SLCO1A2: variants seen among roughly 807,000 people sequenced by gnomAD.
SLCO1A2 encodes solute carrier organic anion transporter family member 1A2, also known as OATP-1.
In SLCO1A2, 67 loss-of-function variants were observed where a neutral mutation model predicts 69.0. The ratio of observed to expected loss-of-function variants is 0.97; its 90% CI spans 0.80 to 1.19. SLCO1A2 has a LOEUF of 1.19. Among genes scored for constraint, SLCO1A2 ranks in the 50% most tolerant of loss-of-function variants. The probability of loss-of-function intolerance (pLI) is 0.00; values close to 1 mark genes in which losing one functional copy is unlikely to be tolerated. For missense variants in SLCO1A2, 787 were observed against 793.7 expected, an observed-to-expected ratio of 0.99 and a Z score of 0.10; for synonymous variants, 260 against 265.9, an observed-to-expected ratio of 0.98 and a Z score of 0.22.
At chr12:21,314,943 G>A (rs965391907) in intron 3 of SLCO1A2, among the ~76,000 whole-genome samples, 5 of 152,242 alleles carry the variant, frequency 3.3e-5, no homozygotes, top group South Asian at 2.1e-4. Flanking sequence ...AAGAGAAGCC[G>A]GTGAAAGGGA....
chr12:21,320,440 G>C (rs150486820), intron 2 of SLCO1A2, among the ~76,000 whole-genome samples: 1 of 151,846 alleles, frequency 6.6e-6, no homozygotes, highest in Non-Finnish European at 1.5e-5. Context: ...TCCCATTTTC[G>C]AGATTCTAAT....
chr12:21,290,008 AGTGTGTGTGTGTGTATGTATGC>A (rs1565474307), intron 12 of SLCO1A2, among the ~76,000 whole-genome samples: 4 of 148,350 alleles, frequency 2.7e-5, no homozygotes, highest in Non-Finnish European at 5.9e-5. Flanking sequence ...TGTTTTTCTC[AGTGTGTGTGTGTGTATGTATGC>A]GTGTGTGTAT....
At chr12:21,378,405 A>G (rs750440315) in intron 1 of SLCO1A2, 9 of 1,613,820 alleles carry the variant, frequency 5.6e-6, no homozygotes, top group Non-Finnish European at 7.6e-6. Context: ...AGAGAGAGCC[A>G]CTGAATTACT....
At chr12:21,361,364 C>T (rs144625971) in intron 2 of SLCO1A2, among the ~76,000 whole-genome samples, 430 of 152,266 alleles carry the variant, frequency 2.8e-3, no homozygotes, top group Non-Finnish European at 4.9e-3. Context: ...AAAGGACATC[C>T]ACACCAAAAC....
At chr12:21,347,827 A>G (rs942955611) in intron 2 of SLCO1A2, among the ~76,000 whole-genome samples, 2 of 152,220 alleles carry the variant, frequency 1.3e-5, no homozygotes, top group Non-Finnish European at 1.5e-5. Flanking sequence ...ATATGGACAA[A>G]AAATAGAAAC....
chr12:21,364,655 C>A (rs1217716559), intron 2 of SLCO1A2, among the ~76,000 whole-genome samples: 4 of 152,216 alleles, frequency 2.6e-5, no homozygotes, highest in African/African-American at 9.6e-5. Flanking sequence ...ACCCCAACAT[C>A]TCAGCCCAAA....
intron 14 of SLCO1A2, among the ~76,000 whole-genome samples, chr12:21,272,093 A>G (rs1451144820): frequency 6.6e-6 from 1 of 151,460 alleles, no homozygotes; most frequent in African/African-American, 2.4e-5. Context: ...ATTTTTTATT[A>G]TAGACTTTCA....
intron 1 of SLCO1A2, among the ~76,000 whole-genome samples, chr12:21,388,393 T>A (rs556071757): frequency 2.0e-5 from 3 of 152,252 alleles, no homozygotes; most frequent in South Asian, 4.1e-4. Flanking sequence ...TGGGAGGTAA[T>A]TGAATCATGG....
intron 2 of SLCO1A2, among the ~76,000 whole-genome samples, chr12:21,361,178 A>C (rs1322659225): frequency 1.3e-5 from 2 of 152,194 alleles, no homozygotes; most frequent in Non-Finnish European, 1.5e-5. Flanking sequence ...TGCCCCTCTA[A>C]GACAAAGCTT....
chr12:21,290,791 C>T (rs942999724), intron 12 of SLCO1A2, among the ~76,000 whole-genome samples: 10 of 152,032 alleles, frequency 6.6e-5, no homozygotes, highest in African/African-American at 2.4e-4. Context: ...TACACAAACA[C>T]TAAGGTAAGA....
At chr12:21,287,786 T>C (rs1479764308) in intron 12 of SLCO1A2, among the ~76,000 whole-genome samples, 1 of 110,886 alleles carries the variant, frequency 9.0e-6, no homozygotes, top group Admixed American at 1.0e-4. Context: ...CCGCATATTC[T>C]CACTCATAGG....
intron 4 of SLCO1A2, among the ~76,000 whole-genome samples, chr12:21,309,375 G>A (rs1949828654): frequency 6.6e-6 from 1 of 152,132 alleles, no homozygotes; most frequent in African/African-American, 2.4e-5. Context: ...TTTATACCAA[G>A]ACAATTATCA....
At position 21,292,150 on chromosome 12, in the gene SLCO1A2, A is replaced by C. The variant is rs1377208614; in HGVS notation, c.1610+14T>G. ...GACCCCAAAAAAATATAAATAAAGAAAATAATTTTGTACCTCAAGAGAACC... is the reference window on the plus strand; with the variant it reads ...GACCCCAAAAAAATATAAATAAAGACAATAATTTTGTACCTCAAGAGAACC... On this transcript the variant is annotated intron_variant, in intron 12 of 14. Coordinates refer to ENST00000683939, the MANE Select transcript of SLCO1A2 (RefSeq NM_001386879.1). The C allele has an allele frequency of 6.6e-7, 1 of 1,519,020 alleles. No homozygotes were observed. The highest frequency in any genetic ancestry group is 8.8e-7 in the Non-Finnish European group (1 of 1,135,724). The allele number at this position is 1,519,020 out of a possible 1,614,324, so 94.1% of individuals were successfully genotyped here.
chr12:21,289,842 T>C (rs539443816), intron 12 of SLCO1A2, among the ~76,000 whole-genome samples: 7 of 151,946 alleles, frequency 4.6e-5, no homozygotes, highest in African/African-American at 1.7e-4. Flanking sequence ...GACTGAACCG[T>C]TTAACTTTTG....
intron 14 of SLCO1A2, among the ~76,000 whole-genome samples, chr12:21,273,548 C>T (rs1026843082): frequency 5.3e-5 from 8 of 152,090 alleles, no homozygotes; most frequent in Non-Finnish European, 8.8e-5. Flanking sequence ...GAGCCAAGTC[C>T]GTTTAATGTG....
chr12:21,371,997 T>G (rs1939831914), intron 2 of SLCO1A2, among the ~76,000 whole-genome samples: 2 of 147,794 alleles, frequency 1.4e-5, no homozygotes, highest in Non-Finnish European at 3.0e-5. Context: ...GAGTGAAACT[T>G]CATCTCAAAA....
upstream of SLCO1A2, among the ~76,000 whole-genome samples, chr12:21,400,355 A>C (rs1055785052): frequency 6.6e-6 from 1 of 151,996 alleles, no homozygotes; most frequent in African/African-American, 2.4e-5. Context: ...TAGAATGGCA[A>C]TCATTAAAAA....
intron 12 of SLCO1A2, among the ~76,000 whole-genome samples, chr12:21,278,363 G>A (rs1160836315): frequency 1.3e-5 from 2 of 152,022 alleles, no homozygotes; most frequent in South Asian, 2.1e-4. Flanking sequence ...GATTACCACT[G>A]GATGATTGTA....
intron 12 of SLCO1A2, 124 bp downstream of exon 12, chr12:21,292,040 C>A: frequency 1.7e-6 from 1 of 589,652 alleles, no homozygotes; most frequent in South Asian, 4.0e-5. Flanking sequence ...TAATACAAAA[C>A]CCTTAATAAA....
Sources: allele counts gnomAD v4.1 joint callset (sites outside exome capture counted in the v4.1 genomes callset), GRCh38; gene constraint gnomAD v4.1.1; transcripts MANE v1.5; gene names NCBI Gene and HGNC (gene_info 2026-07-23, HGNC 2026-07-21).